Variants in NRG3 observed in about 807,000 individuals in gnomAD.
NRG3 encodes neuregulin 3.
NRG3 carries 31 observed loss-of-function variants against 66.9 expected under a neutral mutation model. The observed-to-expected ratio is 0.46, with a 90% CI of 0.35 to 0.63. The LOEUF (loss-of-function observed/expected upper bound fraction) is 0.63. Ranked by LOEUF, NRG3 falls within the 20% of genes least tolerant of loss-of-function variation. NRG3 has a pLI of 0.00. For missense variants in NRG3, 910 were observed against 878.9 expected, an observed-to-expected ratio of 1.04 and a Z score of -0.45; for synonymous variants, 393 against 359.4, an observed-to-expected ratio of 1.09 and a Z score of -1.06.
At chr10:82,920,742 C>T (rs1241174445) in intron 4 of NRG3, among the ~76,000 whole-genome samples, 2 of 152,010 alleles carry the variant, frequency 1.3e-5, no homozygotes, top group African/African-American at 2.4e-5. Flanking sequence ...ATGATATGGG[C>T]ATGTCATAAT....
rs776771714 is a variant in NRG3 at position 82,474,982 on chromosome 10, GA to G, written c.953+116124del. 5.6e-4 allele frequency among the ~76,000 whole-genome samples: 75 copies of G among 134,094 alleles called. No individual in the cohort carries two copies. The East Asian group carries it at 0.012, about 22-fold the overall frequency. The allele number at this position is 134,094 out of a possible 152,430, so 88.0% of individuals were successfully genotyped here. On this transcript the variant is annotated intron_variant, in intron 2 of 8. Coordinates refer to ENST00000372141, the MANE Select transcript of NRG3 (RefSeq NM_001010848.4). ...GGATGGTGTATTTAATGTGCCGAAA[GA>G]AAAAAAAAAGGAAGAAAAAAAACTT...
chr10:82,666,980 C>G (rs1009131393), intron 2 of NRG3, among the ~76,000 whole-genome samples: 15 of 152,172 alleles, frequency 9.9e-5, no homozygotes, highest in Admixed American at 6.5e-5. Context: ...TGATTCTACA[C>G]AAACCTCATT....
intron 1 of NRG3, among the ~76,000 whole-genome samples, chr10:82,167,168 C>T (rs2072147445): frequency 6.6e-6 from 1 of 151,744 alleles, no homozygotes; most frequent in South Asian, 2.1e-4. Flanking sequence ...TATTTTTCTG[C>T]TTTTTTTGCA....
At chr10:82,007,332 C>G (rs1649282390) in intron 1 of NRG3, among the ~76,000 whole-genome samples, 1 of 151,398 alleles carries the variant, frequency 6.6e-6, no homozygotes, top group South Asian at 2.1e-4. Context: ...GCCTCAGCCT[C>G]CCAAGTAGCT....
intron 2 of NRG3, among the ~76,000 whole-genome samples, chr10:82,590,433 C>G (rs1054465379): frequency 1.1e-4 from 17 of 152,028 alleles, no homozygotes; most frequent in African/African-American, 4.1e-4. Context: ...GTACTAAACC[C>G]TCAGCTTGAT....
rs1311913808 is a variant in NRG3 at position 82,594,334 on chromosome 10, CAATA to C, written c.954-144237_954-144234del. Among the ~76,000 whole-genome samples the C allele has an allele frequency of 2.5e-4, 38 of 152,042 alleles. 1 individual carries two copies. The highest frequency in any genetic ancestry group is 1.0e-4 in the Non-Finnish European group (7 of 67,978). On this transcript the variant is annotated intron_variant, in intron 2 of 8. Coordinates refer to ENST00000372141, the MANE Select transcript of NRG3 (RefSeq NM_001010848.4). ...TAGCCTATCCAGTTTTAATATGGAACAATAAATAATATAAAGAATATCATGGTAA... is the reference window on the plus strand; with the variant it reads ...TAGCCTATCCAGTTTTAATATGGAACAATAATATAAAGAATATCATGGTAA...
At chr10:82,717,210 C>G (rs1441548475) in intron 2 of NRG3, among the ~76,000 whole-genome samples, 1 of 152,012 alleles carries the variant, frequency 6.6e-6, no homozygotes, top group Admixed American at 6.6e-5. Flanking sequence ...TTTGGTCTAT[C>G]TGAGGCTTGA....
chr10:82,764,097 T>A (rs527882817), intron 3 of NRG3, among the ~76,000 whole-genome samples: 1 of 152,140 alleles, frequency 6.6e-6, no homozygotes, highest in East Asian at 1.9e-4. Context: ...TACAGTGGAG[T>A]GGTCTTGGCT....
intron 2 of NRG3, among the ~76,000 whole-genome samples, chr10:82,541,968 T>C (rs2043573668): frequency 6.6e-6 from 1 of 152,186 alleles, no homozygotes; most frequent in Non-Finnish European, 1.5e-5. Context: ...AGGTTTGTTA[T>C]ATAGGTATAC....
intron 1 of NRG3, among the ~76,000 whole-genome samples, chr10:81,934,386 A>G (rs1386183984): frequency 6.6e-6 from 1 of 152,172 alleles, no homozygotes; most frequent in Non-Finnish European, 1.5e-5. Context: ...TCTGTGCTTG[A>G]ATTTTGCATT....
chr10:82,576,353 CT>C (rs1565088256), intron 2 of NRG3, among the ~76,000 whole-genome samples: 1 of 151,142 alleles, frequency 6.6e-6, no homozygotes, highest in Non-Finnish European at 1.5e-5. Flanking sequence ...TTCCACTGTG[CT>C]TTCCTTCCTT....
chr10:82,350,734 C>T (rs773811430), intron 1 of NRG3, among the ~76,000 whole-genome samples: 1 of 152,106 alleles, frequency 6.6e-6, no homozygotes, highest in African/African-American at 2.4e-5. Flanking sequence ...GGGAAAGAGA[C>T]TAGGAAGTGC....
chr10:82,321,302 G>GGA (rs1227872983), intron 1 of NRG3, among the ~76,000 whole-genome samples: 1 of 100,432 alleles, frequency 1.0e-5, no homozygotes, highest in East Asian at 3.6e-4. Context: ...TGGCAGGGGT[G>GGA]GGGGTGGGGG....
At chr10:82,690,477 T>C (rs1048850283) in intron 2 of NRG3, among the ~76,000 whole-genome samples, 1 of 152,046 alleles carries the variant, frequency 6.6e-6, no homozygotes, top group Admixed American at 6.6e-5. Context: ...GCTATCCTCA[T>C]CCTCCAAAAT....
intron 3 of NRG3, among the ~76,000 whole-genome samples, chr10:82,743,059 G>A (rs912466536): frequency 1.3e-5 from 2 of 151,990 alleles, no homozygotes; most frequent in African/African-American, 4.8e-5. Flanking sequence ...TGGAAGCAAG[G>A]GCACGCCTCC....
rs1847877491 is a variant in NRG3 at position 81,936,428 on chromosome 10, T to C, written c.823+60265T>C. Among the ~76,000 whole-genome samples, 3 of 152,116 alleles carry C rather than the reference T, an allele frequency of 2.0e-5. No homozygotes were observed. The South Asian group carries it at 6.2e-4, about 32-fold the overall frequency. On this transcript the variant is annotated intron_variant, in intron 1 of 8. Transcript: ENST00000372141. ...TTTTGAAGGAGTCTCTGTAGGTTAC[T>C]AAGCATGATCAGCTTGGTGTTTTAT...
chr10:82,707,165 C>T (rs965508771), intron 2 of NRG3, among the ~76,000 whole-genome samples: 24 of 151,464 alleles, frequency 1.6e-4, no homozygotes, highest in Admixed American at 1.3e-4. Context: ...AGTAAAACAA[C>T]AGAAACAACG....
At chr10:82,324,601 A>G (rs1349282124) in intron 1 of NRG3, among the ~76,000 whole-genome samples, 1 of 152,142 alleles carries the variant, frequency 6.6e-6, no homozygotes, top group Admixed American at 6.5e-5. Flanking sequence ...ATTCCTACAA[A>G]TATTGATATG....
At chr10:82,761,144 A>C (rs1037957685) in intron 3 of NRG3, among the ~76,000 whole-genome samples, 6 of 152,006 alleles carry the variant, frequency 3.9e-5, no homozygotes, top group Admixed American at 2.0e-4. Context: ...ATTTTATGAT[A>C]TATAGCAAAA....
Sources: gnomAD v4.1 joint callset for allele counts (sites outside exome capture counted in the v4.1 genomes callset) on GRCh38, gnomAD v4.1.1 for gene constraint, MANE v1.5 for transcripts, NCBI Gene and HGNC (gene_info 2026-07-23, HGNC 2026-07-21) for gene names.